The following M1AP variants were observed in gnomAD, a reference collection of about 807,000 sequenced individuals.
M1AP encodes the protein meiosis 1 associated protein.
A neutral mutation model predicts 51.2 loss-of-function variants in M1AP; 39 were observed. The observed-to-expected ratio is 0.76, with a 90% CI of 0.59 to 1.00. The LOEUF is 1.00. M1AP is among the 50% of genes least tolerant of loss of function. The pLI is 0.00. For missense variants in M1AP, 545 were observed against 641.2 expected (o/e 0.85, Z 1.62); for synonymous variants, 251 against 249.2 (o/e 1.01, Z -0.07).
intron 5 of M1AP, 53 bp from the exon 6 acceptor site, chr2:74,576,671 G>A: frequency 6.3e-7 from 1 of 1,588,592 alleles, no homozygotes; most frequent in African/African-American, 1.3e-5. Flanking sequence ...AGGAAGGATT[G>A]TGGGTAATAA....
intron 5 of M1AP, 138 bp from the exon 6 acceptor site, chr2:74,576,756 A>G (rs1368084129): frequency 2.5e-6 from 3 of 1,219,212 alleles, no homozygotes; most frequent in Non-Finnish European, 3.4e-6. Context: ...AAGGGATAGG[A>G]GGAGGCAGGA....
intron 7 of M1AP, among the ~76,000 whole-genome samples, chr2:74,564,388 G>A (rs2104517387): frequency 6.6e-6 from 1 of 152,280 alleles, no homozygotes; most frequent in African/African-American, 2.4e-5. Flanking sequence ...TGCGGTTGCT[G>A]ACCTCTTTGT....
chr2:74,634,004 T>A (rs984233335), intron 2 of M1AP, among the ~76,000 whole-genome samples: 2 of 152,136 alleles, frequency 1.3e-5, no homozygotes, highest in East Asian at 3.8e-4. Flanking sequence ...AAAAGGAAAA[T>A]AAAATCTAAA....
intron 2 of M1AP, among the ~76,000 whole-genome samples, chr2:74,618,321 G>A (rs1426546213): frequency 2.0e-5 from 3 of 152,306 alleles, no homozygotes; most frequent in African/African-American, 7.2e-5. Flanking sequence ...GCAGGGCCAT[G>A]TCCTCCCACC....
chr2:74,630,722 T>A (rs1449531918), intron 2 of M1AP, among the ~76,000 whole-genome samples: 3 of 152,200 alleles, frequency 2.0e-5, no homozygotes, highest in Admixed American at 6.5e-5. Flanking sequence ...TTTTTTTTAA[T>A]CCAGCCTATC....
chr2:74,620,408 A>C (rs1681934427), intron 2 of M1AP, among the ~76,000 whole-genome samples: 1 of 152,258 alleles, frequency 6.6e-6, no homozygotes, highest in Non-Finnish European at 1.5e-5. Flanking sequence ...TCATAGGTGG[A>C]GAGCATTAAA....
At chr2:74,584,009 A>G (rs1428724393) in intron 4 of M1AP, among the ~76,000 whole-genome samples, 2 of 152,168 alleles carry the variant, frequency 1.3e-5, no homozygotes, top group Non-Finnish European at 2.9e-5. Flanking sequence ...GCCCTTATGG[A>G]GTTTATAAAG....
intron 3 of M1AP, among the ~76,000 whole-genome samples, chr2:74,613,185 T>C (rs1681469796): frequency 1.3e-5 from 2 of 152,232 alleles, no homozygotes; most frequent in African/African-American, 4.8e-5. Flanking sequence ...TGTTCTTTCA[T>C]TCCGTCTGCT....
chr2:74,576,956 A>G (rs1268165566), intron 5 of M1AP: 1 of 1,065,988 alleles, frequency 9.4e-7, no homozygotes, highest in African/African-American at 1.6e-5. Context: ...AGTCTGAGGA[A>G]CATGTATCCT....
Position 74,558,719 on chromosome 2 carries a change from G to C in M1AP, c.1590C>G (p.Pro530=). 6.2e-7 allele frequency: 1 copy of C among 1,611,898 alleles called. No homozygotes were observed. Among genetic ancestry groups the C allele is most frequent in the East Asian group, 2.2e-5 (1 of 44,732 alleles). ...PSEWEKDPSR[P] ...GCTGGGCTCTGGTGCTGGTGACTTA[G>C]GGCCTTGAGGGATCCTTCTCCCACT... The change falls in exon 11 of 11, where the codon CCC becomes CCG. Residue 530 remains proline, a synonymous_variant. Coordinates refer to ENST00000421985, the MANE Select transcript of M1AP (RefSeq NM_001321739.2).
chr2:74,584,284 T>C (rs1162307174), intron 4 of M1AP, among the ~76,000 whole-genome samples: 1 of 151,622 alleles, frequency 6.6e-6, no homozygotes, highest in Non-Finnish European at 1.5e-5. Context: ...GGCAAAACAG[T>C]TCTTAAAGCA....
At chr2:74,583,849 A>G (rs1479663201) in intron 4 of M1AP, among the ~76,000 whole-genome samples, 1 of 152,236 alleles carries the variant, frequency 6.6e-6, no homozygotes, top group Non-Finnish European at 1.5e-5. Flanking sequence ...ATATTTAACA[A>G]CTTATCCTGC....
intron 2 of M1AP, among the ~76,000 whole-genome samples, chr2:74,634,165 A>G (rs139287346): frequency 6.6e-6 from 1 of 152,332 alleles, no homozygotes; most frequent in East Asian, 1.9e-4. Context: ...GCACTCCATA[A>G]TATCAGCTTA....
chr2:74,603,732 C>G (rs1329068941), intron 4 of M1AP, among the ~76,000 whole-genome samples: 2 of 152,188 alleles, frequency 1.3e-5, no homozygotes, highest in African/African-American at 4.8e-5. Flanking sequence ...GTTGCCTTCC[C>G]TCCCCTGCCA....
At chr2:74,585,205 C>T (rs1308081510) in intron 4 of M1AP, among the ~76,000 whole-genome samples, 3 of 152,090 alleles carry the variant, frequency 2.0e-5, no homozygotes, top group Admixed American at 1.3e-4. Context: ...GCCAGAAATG[C>T]AGCACAGAGA....
intron 4 of M1AP, among the ~76,000 whole-genome samples, chr2:74,602,021 A>G (rs995556794): frequency 6.6e-6 from 1 of 152,198 alleles, no homozygotes; most frequent in African/African-American, 2.4e-5. Flanking sequence ...GACTATAGAT[A>G]ATTTGTATTT....
At chr2:74,633,977 A>G (rs936420368) in intron 2 of M1AP, among the ~76,000 whole-genome samples, 1 of 152,208 alleles carries the variant, frequency 6.6e-6, no homozygotes, top group African/African-American at 2.4e-5. Flanking sequence ...ACAGCTCCTT[A>G]CATAAATACT....
chr2:74,611,887 T>TTTG (rs1681375256), intron 3 of M1AP, among the ~76,000 whole-genome samples: 5 of 66,786 alleles, frequency 7.5e-5, no homozygotes, highest in Non-Finnish European at 1.5e-4. Context: ...AAAGTGTTTT[T>TTTG]TTTTTTTTTT....
At chr2:74,617,418 C>T (rs1044292340) in intron 2 of M1AP, among the ~76,000 whole-genome samples, 2 of 152,148 alleles carry the variant, frequency 1.3e-5, no homozygotes, top group African/African-American at 4.8e-5. Flanking sequence ...TCCAAGCTAA[C>T]GCAGGAACAG....
Sources: allele counts gnomAD v4.1 joint callset (sites outside exome capture counted in the v4.1 genomes callset), GRCh38; gene constraint gnomAD v4.1.1; transcripts MANE v1.5; gene names NCBI Gene and HGNC (gene_info 2026-07-23, HGNC 2026-07-21).